Variants in PADI2 observed in about 807,000 individuals in gnomAD.
PADI2 encodes the protein protein-arginine deiminase type-2.
PADI2 carries 70 observed loss-of-function variants against 81.1 expected under a neutral mutation model. That is an observed-to-expected ratio of 0.86 (90% CI 0.71 to 1.05). PADI2 has a LOEUF of 1.05. PADI2 is among the 50% of genes least tolerant of loss of function. The probability of loss-of-function intolerance (pLI) is 0.00; values close to 1 mark genes in which losing one functional copy is unlikely to be tolerated. For synonymous variants in PADI2, 338 were observed against 358.0 expected, an observed-to-expected ratio of 0.94 and a Z score of 0.63; for missense variants, 853 against 889.9, an observed-to-expected ratio of 0.96 and a Z score of 0.53.
chr1:17,075,360 C>T, intron 12 of PADI2: 1 of 367,680 alleles, frequency 2.7e-6, no homozygotes, highest in Non-Finnish European at 4.9e-6. Flanking sequence ...CTATTGAACA[C>T]TTGAGCTGTG....
At position 17,117,659 on chromosome 1, in the gene PADI2, C is replaced by T. The variant is rs945985605; in HGVS notation, c.92+1621G>A. On this transcript the variant is annotated intron_variant, in intron 1 of 15. Coordinates refer to ENST00000375486, the MANE Select transcript of PADI2 (RefSeq NM_007365.3). Reference sequence around the variant, plus strand: ...TGGGCCTCTCTTTGCCAGGATAGAGCGATAGCAGGGCGCCTGAGCAGGAAC... The same window carrying T: ...TGGGCCTCTCTTTGCCAGGATAGAGTGATAGCAGGGCGCCTGAGCAGGAAC... Among the ~76,000 whole-genome samples, 6 of 152,170 alleles carry T rather than the reference C, an allele frequency of 3.9e-5. No individual in the cohort carries two copies. The South Asian group carries it at 6.2e-4, about 16-fold the overall frequency.
chr1:17,080,520 C>T (rs2078336607), intron 10 of PADI2, among the ~76,000 whole-genome samples: 1 of 152,188 alleles, frequency 6.6e-6, no homozygotes, highest in South Asian at 2.1e-4. Flanking sequence ...AAGACACAGG[C>T]CTTTGCTGTT....
rs539076996 is a variant in PADI2, at chr1:17,073,569, T to C, written c.1549+1287A>G. Among the ~76,000 whole-genome samples, 14 of 152,190 alleles carry C rather than the reference T, an allele frequency of 9.2e-5. No individual in the cohort carries two copies. In the South Asian group the frequency reaches 2.5e-3, roughly 27 times the overall value. ...ATATTTTATCACAATAAAAAACATG[T>C]TGGACATAAGGATGGCAATGGCAAA... On this transcript the variant is annotated intron_variant, in intron 13 of 15. Transcript: ENST00000375486.
At chr1:17,116,830 C>G (rs139242519) in intron 1 of PADI2, among the ~76,000 whole-genome samples, 29 of 152,276 alleles carry the variant, frequency 1.9e-4, no homozygotes, top group African/African-American at 6.7e-4. Context: ...CTAATACCTC[C>G]TCCTGTTATC....
chr1:17,109,572 C>T (rs891971626), intron 1 of PADI2, among the ~76,000 whole-genome samples: 8 of 151,072 alleles, frequency 5.3e-5, no homozygotes, highest in African/African-American at 2.0e-4. Flanking sequence ...CTCACTGCAA[C>T]CTCCGCATCC....
At chr1:17,073,706 C>T (rs1467470635) in intron 13 of PADI2, among the ~76,000 whole-genome samples, 1 of 152,032 alleles carries the variant, frequency 6.6e-6, no homozygotes, top group Non-Finnish European at 1.5e-5. Flanking sequence ...CCCCAAATCA[C>T]ACAATACACC....
Position 17,070,231 on chromosome 1 carries a change from G to A in PADI2, c.1636-15C>T. 1 of 1,613,298 alleles carries A rather than the reference G, an allele frequency of 6.2e-7. No individual in the cohort carries two copies. The highest frequency in any genetic ancestry group is 8.5e-7 in the Non-Finnish European group (1 of 1,179,604). ...TCTAGGCAGCGCTGGGTAGGAGAAA[G>A]GATGGAGGGCATGCAGGTGAGGGGG... On this transcript the variant is annotated splice_polypyrimidine_tract_variant and intron_variant, in intron 14 of 15. Coordinates refer to ENST00000375486, the MANE Select transcript of PADI2 (RefSeq NM_007365.3).
intron 3 of PADI2, among the ~76,000 whole-genome samples, chr1:17,097,376 T>C (rs1273399068): frequency 6.6e-6 from 1 of 152,202 alleles, no homozygotes; most frequent in Non-Finnish European, 1.5e-5. Flanking sequence ...TAGACCTGCA[T>C]GTGACTTTTC....
intron 1 of PADI2, among the ~76,000 whole-genome samples, chr1:17,110,684 C>T (rs1326596182): frequency 6.6e-6 from 1 of 152,190 alleles, no homozygotes; most frequent in Admixed American, 6.5e-5. Flanking sequence ...CTGCATTGTT[C>T]CATCTACTGT....
chr1:17,109,248 C>T (rs535030650), intron 1 of PADI2, among the ~76,000 whole-genome samples: 5 of 151,546 alleles, frequency 3.3e-5, no homozygotes, highest in Non-Finnish European at 7.4e-5. Flanking sequence ...ATTAGCCGAG[C>T]GTAGTGGCGT....
At position 17,115,741 on chromosome 1, in the gene PADI2, C is replaced by T. The variant is rs776158451; in HGVS notation, c.92+3539G>A. On this transcript the variant is annotated intron_variant, in intron 1 of 15. Coordinates refer to ENST00000375486, the MANE Select transcript of PADI2 (RefSeq NM_007365.3). The surrounding 1 kb of genome is among the most constrained non-coding windows in gnomAD (Gnocchi z 4.1). Reference sequence around the variant, plus strand: ...AGTGACTGTCGGCTAAAGGGACCACCGGAGGAGATTGTGTGGGCCAGGTGT... The same window carrying T: ...AGTGACTGTCGGCTAAAGGGACCACTGGAGGAGATTGTGTGGGCCAGGTGT... Among the ~76,000 whole-genome samples the T allele has an allele frequency of 2.6e-5, 4 of 152,178 alleles. No homozygotes were observed. Among genetic ancestry groups the T allele is most frequent in the Non-Finnish European group, 5.9e-5 (4 of 68,010 alleles).
At chr1:17,076,232 C>G (rs901786579) in intron 11 of PADI2, among the ~76,000 whole-genome samples, 1 of 151,744 alleles carries the variant, frequency 6.6e-6, no homozygotes, top group Non-Finnish European at 1.5e-5. Flanking sequence ...TTTTTTCCCC[C>G]GAGATGGAGT....
intron 2 of PADI2, among the ~76,000 whole-genome samples, chr1:17,103,415 A>G (rs943214346): frequency 2.0e-5 from 3 of 152,166 alleles, no homozygotes; most frequent in African/African-American, 7.2e-5. Flanking sequence ...ACCATGTTCA[A>G]TGCCATCACT....
intron 6 of PADI2, among the ~76,000 whole-genome samples, chr1:17,089,783 A>G (rs1278809972): frequency 6.6e-6 from 1 of 151,864 alleles, no homozygotes; most frequent in East Asian, 1.9e-4. Flanking sequence ...GGAACCAACA[A>G]TGCCGCTCTA....
intron 1 of PADI2, among the ~76,000 whole-genome samples, chr1:17,116,139 CAG>C (rs1213577273): frequency 6.6e-6 from 1 of 152,224 alleles, no homozygotes; most frequent in African/African-American, 2.4e-5. Context: ...AGTGGAGACT[CAG>C]AGAAGTGAAG....
chr1:17,100,275 G>GT (rs530819011), intron 3 of PADI2, among the ~76,000 whole-genome samples: 105 of 152,180 alleles, frequency 6.9e-4, no homozygotes, highest in Admixed American at 3.3e-3. Context: ...CTCTTATTCT[G>GT]TTTTTTGTTT....
At chr1:17,098,551 T>G (rs1262364930) in intron 3 of PADI2, among the ~76,000 whole-genome samples, 2 of 152,264 alleles carry the variant, frequency 1.3e-5, no homozygotes, top group Non-Finnish European at 2.9e-5. Flanking sequence ...TCTTCTCAGC[T>G]GCCTAAGGCA....
In PADI2 at chr1:17,070,103, G is replaced by T; in HGVS notation, c.1749C>A (p.Ala583=). ...AGGGCCTCACCATGTTTGGGAAGAAGGCTCTGGCACGGTGGTCCTCGTCCA... is the reference window on the plus strand; with the variant it reads ...AGGGCCTCACCATGTTTGGGAAGAATGCTCTGGCACGGTGGTCCTCGTCCA... The part of the protein sequence containing the change: ...FKMDEDHRAR[A]FFPNMVNMIV... Residue 583 remains alanine (A), a synonymous_variant, in exon 15 of 16, where the codon GCC becomes GCA. Transcript: ENST00000375486. 6.2e-7 allele frequency: 1 copy of T among 1,614,002 alleles called. No homozygotes were observed.
At chr1:17,089,967 G>A (rs2235922) in intron 6 of PADI2, among the ~76,000 whole-genome samples, 83,686 of 152,042 alleles carry the variant, frequency 0.55, 23,602 homozygotes, top group Non-Finnish European at 0.63. Flanking sequence ...TAGGACTGAG[G>A]GGTTTCCTGG....
Sources: gnomAD v4.1 joint callset for allele counts (sites outside exome capture counted in the v4.1 genomes callset) on GRCh38, gnomAD v4.1.1 for gene constraint, Gnocchi (gnomAD v3.1) non-coding constraint, MANE v1.5 for transcripts, NCBI Gene and HGNC (gene_info 2026-07-23, HGNC 2026-07-21) for gene names.